The following NCAM2 variants were observed in gnomAD, a reference collection of about 807,000 sequenced individuals.
NCAM2 encodes the protein N-CAM-2.
A neutral mutation model predicts 98.1 loss-of-function variants in NCAM2; 30 were observed. That is an observed-to-expected ratio of 0.31 (90% CI 0.23 to 0.41). The LOEUF is 0.41. Ranked by LOEUF, NCAM2 falls within the 10% of genes least tolerant of loss-of-function variation. NCAM2 has a pLI of 1.00. For missense variants in NCAM2, 867 were observed against 1,005.8 expected, an observed-to-expected ratio of 0.86 and a Z score of 1.87; for synonymous variants, 368 against 342.4, an observed-to-expected ratio of 1.07 and a Z score of -0.83.
chr21:21,033,444 A>G (rs2064731225), intron 1 of NCAM2, among the ~76,000 whole-genome samples: 1 of 152,240 alleles, frequency 6.6e-6, no homozygotes, highest in Admixed American at 6.5e-5. Context: ...CAGGAGTCAT[A>G]CAATATATAT....
chr21:21,418,111 A>G (rs2077031136), intron 10 of NCAM2, among the ~76,000 whole-genome samples: 1 of 152,026 alleles, frequency 6.6e-6, no homozygotes, highest in Non-Finnish European at 1.5e-5. Flanking sequence ...ATATACATGT[A>G]TACATAAATA....
intron 1 of NCAM2, among the ~76,000 whole-genome samples, chr21:21,087,831 G>A (rs555016996): frequency 3.4e-4 from 52 of 152,188 alleles, no homozygotes; most frequent in Middle Eastern, 6.8e-3. Context: ...ATGAAGGTCT[G>A]CTTAACATAA....
chr21:21,421,482 T>C (rs2077110408), intron 11 of NCAM2, among the ~76,000 whole-genome samples: 1 of 152,096 alleles, frequency 6.6e-6, no homozygotes, highest in South Asian at 2.1e-4. Context: ...TCAGTTGAAA[T>C]TGTAATGAAG....
At chr21:21,252,779 T>G (rs2071521808) in intron 1 of NCAM2, among the ~76,000 whole-genome samples, 1 of 152,166 alleles carries the variant, frequency 6.6e-6, no homozygotes. Context: ...GTTATTTTTC[T>G]TTATTTTCTC....
intron 1 of NCAM2, among the ~76,000 whole-genome samples, chr21:21,029,031 A>G (rs746682931): frequency 2.0e-5 from 3 of 152,228 alleles, no homozygotes; most frequent in Non-Finnish European, 4.4e-5. Flanking sequence ...TTTTTAAACT[A>G]TCTTGAAATG....
At chr21:21,019,381 C>T (rs543443799) in intron 1 of NCAM2, among the ~76,000 whole-genome samples, 1 of 152,084 alleles carries the variant, frequency 6.6e-6, no homozygotes, top group South Asian at 2.1e-4. Flanking sequence ...TCTTCCATGC[C>T]ATAGGTTTTA....
At chr21:21,313,750 A>G (rs2074130517) in intron 5 of NCAM2, among the ~76,000 whole-genome samples, 1 of 151,864 alleles carries the variant, frequency 6.6e-6, no homozygotes, top group South Asian at 2.1e-4. Context: ...TTTGTCTTTC[A>G]TTCTTCTATT....
At chr21:21,352,152 AG>A (rs1240508684) in intron 8 of NCAM2, among the ~76,000 whole-genome samples, 1 of 151,998 alleles carries the variant, frequency 6.6e-6, no homozygotes, top group African/African-American at 2.4e-5. Context: ...TTCAAGCTTC[AG>A]CCCCCCAGTC....
At position 21,306,382 on chromosome 21, in the gene NCAM2, G is replaced by C. The variant is rs1056087200; in HGVS notation, c.619+14141G>C. On this transcript the variant is annotated intron_variant, in intron 5 of 17. Transcript: ENST00000400546. ...CTCTTATTATATAGATAAAAGTTTA[G>C]AATCATGATGTCCTCCTGATGAATT... Among the ~76,000 whole-genome samples the C allele has an allele frequency of 5.9e-5, 9 of 152,112 alleles. No individual in the cohort carries two copies. The South Asian group carries it at 1.5e-3, about 25-fold the overall frequency.
chr21:21,481,341 A>T (rs1985865276), intron 15 of NCAM2, among the ~76,000 whole-genome samples: 1 of 152,214 alleles, frequency 6.6e-6, no homozygotes, highest in South Asian at 2.1e-4. Context: ...GAAAAACAGG[A>T]GCGTAGTATC....
rs548249853 is a variant in NCAM2, at chr21:21,453,659, G to C, written c.1655-12947G>C. ...GAAGCAAAATTTTGGGGTTAGAAAA[G>C]TAAAAGTTACCTTCTGCCATATGTT... On this transcript the variant is annotated intron_variant, in intron 12 of 17. Coordinates refer to ENST00000400546, the MANE Select transcript of NCAM2 (RefSeq NM_004540.5). 1.6e-4 allele frequency among the ~76,000 whole-genome samples: 24 copies of C among 152,020 alleles called. 1 individual carries two copies. Among genetic ancestry groups the C allele is most frequent in the Non-Finnish European group, 2.1e-4 (14 of 67,984 alleles).
chr21:21,383,290 C>T (rs561463356), intron 9 of NCAM2, among the ~76,000 whole-genome samples: 5 of 152,234 alleles, frequency 3.3e-5, no homozygotes, highest in East Asian at 1.9e-4. Context: ...CTGGTTTGTG[C>T]GTGCAGAGCT....
intron 10 of NCAM2, among the ~76,000 whole-genome samples, chr21:21,412,990 T>G (rs1226606274): frequency 2.0e-5 from 3 of 152,156 alleles, no homozygotes; most frequent in Admixed American, 6.5e-5. Flanking sequence ...AGTAATAAAT[T>G]TATTGAATTG....
At chr21:21,505,622 A>G (rs2146346249) in intron 15 of NCAM2, among the ~76,000 whole-genome samples, 1 of 152,216 alleles carries the variant, frequency 6.6e-6, no homozygotes, top group South Asian at 2.1e-4. Flanking sequence ...TTTAGCCTCA[A>G]GAGAATAATC....
At chr21:21,177,045 T>G (rs2068314601) in intron 1 of NCAM2, among the ~76,000 whole-genome samples, 1 of 152,168 alleles carries the variant, frequency 6.6e-6, no homozygotes, top group African/African-American at 2.4e-5. Context: ...TCAACTATAC[T>G]TAATTTATTC....
intron 1 of NCAM2, among the ~76,000 whole-genome samples, chr21:21,170,288 C>A (rs1335855559): frequency 6.6e-6 from 1 of 152,160 alleles, no homozygotes; most frequent in African/African-American, 2.4e-5. Flanking sequence ...TGTGGCTGCA[C>A]AAAAACCTAC....
intron 1 of NCAM2, among the ~76,000 whole-genome samples, chr21:21,227,360 A>G (rs2070429136): frequency 6.6e-6 from 1 of 151,836 alleles, no homozygotes; most frequent in Admixed American, 6.6e-5. Flanking sequence ...AAGATTATTT[A>G]AGTTCAAATA....
chr21:21,080,675 AAAAAAC>A (rs2065778354), intron 1 of NCAM2, among the ~76,000 whole-genome samples: 2 of 137,404 alleles, frequency 1.5e-5, no homozygotes, highest in Admixed American at 1.4e-4. Context: ...AAAAAAAAAA[AAAAAAC>A]CAACATTGAT....
chr21:21,495,670 C>T, intron 15 of NCAM2, among the ~76,000 whole-genome samples: 1 of 152,014 alleles, frequency 6.6e-6, no homozygotes, highest in South Asian at 2.1e-4. Context: ...CCACCAATCA[C>T]CTCTAATATC....
Sources: allele counts gnomAD v4.1 joint callset (sites outside exome capture counted in the v4.1 genomes callset), GRCh38; gene constraint gnomAD v4.1.1; transcripts MANE v1.5; gene names NCBI Gene and HGNC (gene_info 2026-07-23, HGNC 2026-07-21).